The following TRAM2 variants were observed in gnomAD, a reference collection of about 807,000 sequenced individuals.
TRAM2 encodes translocating chain-associated membrane protein 2.
In TRAM2, 12 loss-of-function variants were observed where a neutral mutation model predicts 51.0. That is an observed-to-expected ratio of 0.24 (90% CI 0.15 to 0.38). The LOEUF (loss-of-function observed/expected upper bound fraction) is 0.38. Among genes scored for constraint, TRAM2 ranks in the 10% least tolerant of loss-of-function variants. The pLI is 1.00. For synonymous variants in TRAM2, 175 were observed against 179.4 expected, an observed-to-expected ratio of 0.98 and a Z score of 0.20; for missense variants, 361 against 462.0, an observed-to-expected ratio of 0.78 and a Z score of 2.00.
At chr6:52,532,500 T>C (rs1178503154) in intron 2 of TRAM2, among the ~76,000 whole-genome samples, 1 of 152,210 alleles carries the variant, frequency 6.6e-6, no homozygotes, top group Non-Finnish European at 1.5e-5. Context: ...TTATGGGTCA[T>C]GAGTATTAAA....
intron 1 of TRAM2, among the ~76,000 whole-genome samples, chr6:52,541,218 C>T (rs1767074594): frequency 1.3e-5 from 2 of 152,212 alleles, no homozygotes; most frequent in Admixed American, 6.5e-5. Context: ...CCCCAGTTTA[C>T]TCATCTATTA....
intron 2 of TRAM2, among the ~76,000 whole-genome samples, chr6:52,532,632 A>C (rs932842330): frequency 1.2e-4 from 18 of 152,246 alleles, no homozygotes; most frequent in Non-Finnish European, 2.5e-4. Context: ...ATTTAGCCAC[A>C]AGAATGTTCA....
In TRAM2 at chr6:52,501,297, C is replaced by T. The variant is rs1766217166; in HGVS notation, c.*1900G>A. 6.6e-6 allele frequency: 1 copy of T among 152,178 alleles called. No homozygotes were observed. Among genetic ancestry groups the T allele is most frequent in the Non-Finnish European group, 1.5e-5 (1 of 68,030 alleles). 9.4% of individuals were successfully genotyped at this position (152,178 alleles called of 1,614,324 possible). On this transcript the variant is annotated 3_prime_UTR_variant, in exon 11 of 11. Transcript: ENST00000182527. ...ACCTTATCGTAGAGAGGGATGAAGG[C>T]CTCCAATGGCGTTAGGAAACAAATC...
At chr6:52,556,248 G>A (rs1234332460) in intron 1 of TRAM2, among the ~76,000 whole-genome samples, 3 of 150,768 alleles carry the variant, frequency 2.0e-5, no homozygotes, top group Non-Finnish European at 2.9e-5. Flanking sequence ...GAAGCCCTCC[G>A]CAAACCCACT....
At chr6:52,548,969 C>T (rs714170) in intron 1 of TRAM2, among the ~76,000 whole-genome samples, 14,920 of 152,130 alleles carry the variant, frequency 0.098, 1,332 homozygotes, top group East Asian at 0.49. Context: ...TTCTGCGAGG[C>T]GGTGATTTGA....
intron 1 of TRAM2, among the ~76,000 whole-genome samples, chr6:52,570,034 C>A (rs1767651757): frequency 6.6e-6 from 1 of 152,160 alleles, no homozygotes; most frequent in Non-Finnish European, 1.5e-5. Context: ...CAATGAGGGT[C>A]TTATTTTGTT....
chr6:52,558,519 T>TA (rs796923662), intron 1 of TRAM2, among the ~76,000 whole-genome samples: 10 of 152,332 alleles, frequency 6.6e-5, no homozygotes, highest in African/African-American at 2.4e-4. Flanking sequence ...ACGGCACACT[T>TA]AAAAATGGTT....
rs936653731 is a variant in TRAM2, at chr6:52,525,562, C to A, written c.185-8825G>T. Among the ~76,000 whole-genome samples, 38 of 152,284 alleles carry A rather than the reference C, an allele frequency of 2.5e-4. 1 individual carries two copies. Among genetic ancestry groups the A allele is most frequent in the African/African-American group, 8.9e-4 (37 of 41,562 alleles). On this transcript the variant is annotated intron_variant, in intron 2 of 10. Transcript: ENST00000182527. ...CAGTGCCTTAGGCCTGTAATCCCAGCACTTTGGGAGGCCAAGGCGGGTGGA... is the reference window on the plus strand; with the variant it reads ...CAGTGCCTTAGGCCTGTAATCCCAGAACTTTGGGAGGCCAAGGCGGGTGGA...
At chr6:52,544,612 C>T (rs1162327857) in intron 1 of TRAM2, among the ~76,000 whole-genome samples, 1 of 152,226 alleles carries the variant, frequency 6.6e-6, no homozygotes, top group Non-Finnish European at 1.5e-5. Flanking sequence ...CAAAGACCGG[C>T]CAATGACCAC....
chr6:52,563,333 T>C (rs1481982261), intron 1 of TRAM2, among the ~76,000 whole-genome samples: 3 of 152,170 alleles, frequency 2.0e-5, no homozygotes, highest in Non-Finnish European at 4.4e-5. Flanking sequence ...AACAGACAGA[T>C]AGACAGACAG....
intron 1 of TRAM2, among the ~76,000 whole-genome samples, chr6:52,556,519 T>C (rs1453359017): frequency 6.6e-6 from 1 of 151,362 alleles, no homozygotes; most frequent in Non-Finnish European, 1.5e-5. Flanking sequence ...TGACCTCAAG[T>C]GATCCACTCG....
At chr6:52,544,206 G>T (rs78934596) in intron 1 of TRAM2, among the ~76,000 whole-genome samples, 5 of 152,202 alleles carry the variant, frequency 3.3e-5, no homozygotes, top group African/African-American at 1.2e-4. Context: ...AATTCCTCTG[G>T]GTATTTGTGT....
At chr6:52,566,819 C>T (rs997828196) in intron 1 of TRAM2, among the ~76,000 whole-genome samples, 3 of 152,094 alleles carry the variant, frequency 2.0e-5, no homozygotes, top group Non-Finnish European at 4.4e-5. Flanking sequence ...GCTAGGAGAC[C>T]CCCCTCCATG....
chr6:52,535,988 A>G, intron 1 of TRAM2, 142 bp from the exon 2 acceptor site: 2 of 647,312 alleles, frequency 3.1e-6, no homozygotes, highest in Non-Finnish European at 5.2e-6. Flanking sequence ...AGTTAGCATT[A>G]GTTTTTGTTC....
intron 7 of TRAM2, 124 bp downstream of exon 7, chr6:52,507,429 G>T: frequency 2.1e-6 from 2 of 936,048 alleles, no homozygotes; most frequent in Non-Finnish European, 3.3e-6. Flanking sequence ...GTATTGCCAA[G>T]TCTTAGCATA....
intron 2 of TRAM2, chr6:52,523,671 G>C (rs757953628): frequency 1.3e-5 from 2 of 152,196 alleles, no homozygotes; most frequent in African/African-American, 4.8e-5. Flanking sequence ...GATTACAAAC[G>C]CATCAATCCT....
At position 52,501,811 on chromosome 6, in the gene TRAM2, T is replaced by G. The variant is rs1486345541; in HGVS notation, c.*1386A>C. 1 of 152,216 alleles carries G rather than the reference T, an allele frequency of 6.6e-6. No homozygotes were observed. The highest frequency in any genetic ancestry group is 2.4e-5 in the African/African-American group (1 of 41,454). The allele number at this position is 152,216 out of a possible 1,614,324, so 9.4% of individuals were successfully genotyped here. A position where few individuals can be genotyped will look rare whatever the true frequency, so the allele number is the denominator to read the frequency against. ...TGCCCACCTCGACCTCCCAAAGTGC[T>G]GGGATAACAGGCGTAAGCTACTGCG... On this transcript the variant is annotated 3_prime_UTR_variant, in exon 11 of 11. Coordinates refer to ENST00000182527, the MANE Select transcript of TRAM2 (RefSeq NM_012288.4).
chr6:52,561,319 G>A (rs1767495950), intron 1 of TRAM2, among the ~76,000 whole-genome samples: 1 of 152,198 alleles, frequency 6.6e-6, no homozygotes, highest in South Asian at 2.1e-4. Flanking sequence ...GCCTCGCTCT[G>A]TCACCCAGGC....
At chr6:52,516,264 AGCCTACT>A (rs1766546894) in intron 3 of TRAM2, 142 bp from the exon 4 acceptor site, 1 of 758,778 alleles carries the variant, frequency 1.3e-6, no homozygotes, top group South Asian at 1.7e-5. Flanking sequence ...ATTTGGTGTA[AGCCTACT>A]GCGTGCATAC....
Sources: gnomAD v4.1 joint callset for allele counts (sites outside exome capture counted in the v4.1 genomes callset) on GRCh38, gnomAD v4.1.1 for gene constraint, MANE v1.5 for transcripts, NCBI Gene and HGNC (gene_info 2026-07-23, HGNC 2026-07-21) for gene names.